DNMT3A: variants seen among roughly 807,000 people sequenced by gnomAD.
The protein encoded by DNMT3A is DNA methyltransferase 3 alpha.
Under a neutral mutation model 117.6 loss-of-function variants are expected in DNMT3A, and 267 were observed. The observed-to-expected ratio is 2.27, with a 90% confidence interval of 2.05 to 2.51. DNMT3A has a LOEUF of 2.51. Ranked by LOEUF, DNMT3A falls within the 30% of genes most tolerant of loss-of-function variation. The probability of loss-of-function intolerance (pLI) is 0.00; values close to 1 mark genes in which losing one functional copy is unlikely to be tolerated. For synonymous variants in DNMT3A, 432 were observed against 474.8 expected (o/e 0.91, Z 1.17); for missense variants, 1,029 against 1,260.2 (o/e 0.82, Z 2.78).
intron 6 of DNMT3A, among the ~76,000 whole-genome samples, chr2:25,270,816 G>C (rs2030817042): frequency 6.6e-6 from 1 of 152,218 alleles, no homozygotes; most frequent in Non-Finnish European, 1.5e-5. Flanking sequence ...AAATGAGACT[G>C]AGAAAAGAGG....
rs191325311 is a variant in DNMT3A at position 25,244,104 on chromosome 2, C to T, written c.1851+51G>A. On this transcript the variant is annotated intron_variant, in intron 15 of 22. Transcript: ENST00000321117. ...CCTGCGCACAGCTCAGGCCCCACAACCAAGGCTCAGCCAAGGGAGCTCGAG... is the reference window on the plus strand; with the variant it reads ...CCTGCGCACAGCTCAGGCCCCACAATCAAGGCTCAGCCAAGGGAGCTCGAG... The T allele has an allele frequency of 4.7e-5, 75 of 1,611,778 alleles. No homozygotes were observed. In the African/African-American group the frequency reaches 7.9e-4, roughly 17 times the overall value.
At position 25,240,414 on chromosome 2, in the gene DNMT3A, AG is replaced by A; in HGVS notation, c.2209del (p.Leu737SerfsTer42). 6.2e-7 allele frequency: 1 copy of A among 1,613,136 alleles called. No individual in the cohort carries two copies. The highest frequency in any genetic ancestry group is 8.5e-7 in the Non-Finnish European group (1 of 1,179,542). ...CTCCTTGGGCCGCGCATCATGCAGG[AG>A]GCGGTAGAACTCAAAGAAGAGCCGG... is the stretch of plus-strand genomic sequence containing the variant. ...TGRLFFEFYR[L>X]LHDARPKEGD... On this transcript the variant is annotated frameshift_variant, in exon 19 of 23. Coordinates refer to ENST00000321117, the MANE Select transcript of DNMT3A (RefSeq NM_022552.5). LOFTEE classifies it high-confidence loss of function.
chr2:25,332,038 C>T (rs1321312250), intron 1 of DNMT3A, among the ~76,000 whole-genome samples: 1 of 152,208 alleles, frequency 6.6e-6, no homozygotes, highest in Non-Finnish European at 1.5e-5. Flanking sequence ...AATGTCACAC[C>T]ACGCACACCC....
In DNMT3A at chr2:25,339,460, C is replaced by T. The variant is rs563153772; in HGVS notation, c.-178+2366G>A. On this transcript the variant is annotated intron_variant, in intron 1 of 22. Coordinates refer to ENST00000321117, the MANE Select transcript of DNMT3A (RefSeq NM_022552.5). This position sits in a 1 kb window ranked among gnomAD's most constrained non-coding sequence, Gnocchi z 4.9. The stretch of plus-strand genomic sequence containing the variant: ...GGTGGGGTAACGAGGGAAGTTTGGT[C>T]GGCCTGAATCCGCAGCTGCTTATCT... Among the ~76,000 whole-genome samples, 1 of 152,300 alleles carries T rather than the reference C, an allele frequency of 6.6e-6. No homozygotes were observed. The highest frequency in any genetic ancestry group is 2.4e-5 in the African/African-American group (1 of 41,564).
intron 2 of DNMT3A, among the ~76,000 whole-genome samples, chr2:25,313,282 A>C (rs1228628036): frequency 1.3e-5 from 2 of 151,350 alleles, no homozygotes; most frequent in African/African-American, 4.9e-5. Context: ...CTAGATTCTG[A>C]AAACATGGAG....
intron 1 of DNMT3A, among the ~76,000 whole-genome samples, chr2:25,318,854 T>G (rs975288425): frequency 1.8e-5 from 2 of 113,998 alleles, no homozygotes; most frequent in African/African-American, 6.3e-5. Flanking sequence ...CCCACCACCA[T>G]GCCTGACTAA....
chr2:25,237,023 G>A lies in DNMT3A; in HGVS notation c.2409-18C>T, dbSNP rs1263017641. On this transcript the variant is annotated intron_variant, in intron 20 of 22. Transcript: ENST00000321117. The surrounding 1 kb of genome is among the most constrained non-coding windows in gnomAD (Gnocchi z 5.4). ...CCAACGGCCTAGGAGGCAGAAGAGAGACTGTAACAACAGAAACCTGGATAA... is the reference window on the plus strand; with the variant it reads ...CCAACGGCCTAGGAGGCAGAAGAGAAACTGTAACAACAGAAACCTGGATAA... 1.9e-6 allele frequency: 3 copies of A among 1,613,044 alleles called. No individual in the cohort carries two copies. The highest frequency in any genetic ancestry group is 2.2e-5 in the South Asian group (2 of 90,822).
intron 6 of DNMT3A, among the ~76,000 whole-genome samples, chr2:25,262,276 C>T (rs1048564804): frequency 6.6e-6 from 1 of 151,492 alleles, no homozygotes; most frequent in African/African-American, 2.4e-5. Flanking sequence ...GCTCAAAAAT[C>T]CACCCCCTCC....
Position 25,311,062 on chromosome 2 carries a change from C to G in DNMT3A, c.72+2851G>C, listed in dbSNP as rs1242267997. Among the ~76,000 whole-genome samples the G allele has an allele frequency of 6.7e-6, 1 of 149,074 alleles. No homozygotes were observed. Among genetic ancestry groups the G allele is most frequent in the Non-Finnish European group, 1.5e-5 (1 of 67,606 alleles). Reference sequence around the variant, plus strand: ...GCAGAGGGAGCAGCATAAACAAAGACCTGGAGACTCCAGGAAGTATGGGAG... The same window carrying G: ...GCAGAGGGAGCAGCATAAACAAAGAGCTGGAGACTCCAGGAAGTATGGGAG... On this transcript the variant is annotated intron_variant, in intron 2 of 22. Coordinates refer to ENST00000321117, the MANE Select transcript of DNMT3A (RefSeq NM_022552.5). The surrounding 1 kb of genome is among the most constrained non-coding windows in gnomAD (Gnocchi z 5.2).
upstream of DNMT3A, among the ~76,000 whole-genome samples, chr2:25,342,089 T>C (rs1197164871): frequency 8.7e-5 from 8 of 92,464 alleles, no homozygotes; most frequent in Non-Finnish European, 1.5e-4. This position sits in a 1 kb window ranked among gnomAD's most constrained non-coding sequence, Gnocchi z 5.9. Context: ...GGCCCAGGCC[T>C]CCGCCCGCCG....
intron 6 of DNMT3A, among the ~76,000 whole-genome samples, chr2:25,251,196 G>C (rs1675509507): frequency 1.4e-5 from 2 of 146,176 alleles, no homozygotes; most frequent in Admixed American, 6.7e-5. Flanking sequence ...GACGAAAGGG[G>C]AAGGGGCAGC....
At chr2:25,308,382 C>A (rs1444154738) in intron 2 of DNMT3A, among the ~76,000 whole-genome samples, 1 of 152,158 alleles carries the variant, frequency 6.6e-6, no homozygotes, top group Non-Finnish European at 1.5e-5. Flanking sequence ...GGCCCTTCTG[C>A]AGGGGCCAAA....
Position 25,326,106 on chromosome 2 carries a change from ATATGTGTGTGTGTG to A in DNMT3A, c.-177-11959_-177-11946del, listed in dbSNP as rs1054797433. Among the ~76,000 whole-genome samples the A allele has an allele frequency of 5.8e-5, 6 of 103,276 alleles. No homozygotes were observed. In the Admixed American group the frequency reaches 6.6e-4, roughly 11 times the overall value. The allele number at this position is 103,276 out of a possible 152,430, so 67.8% of individuals were successfully genotyped here. ...TGCACATTTTCTATTAACTTGATAT[ATATGTGTGTGTGTG>A]TGTGTGTGTGTGTGTGTGTGTGTGT... On this transcript the variant is annotated intron_variant, in intron 1 of 22. Coordinates refer to ENST00000321117, the MANE Select transcript of DNMT3A (RefSeq NM_022552.5).
In DNMT3A at chr2:25,232,384, GGAAGTA is replaced by G. The variant is rs1672916415; in HGVS notation, c.*1889_*1894del. 1 of 152,274 alleles carries G rather than the reference GGAAGTA, an allele frequency of 6.6e-6. No homozygotes were observed. The highest frequency in any genetic ancestry group is 2.1e-4 in the South Asian group (1 of 4,830). The allele number at this position is 152,274 out of a possible 1,614,324, so 9.4% of individuals were successfully genotyped here. A position where few individuals can be genotyped will look rare whatever the true frequency, so the allele number is the denominator to read the frequency against. On this transcript the variant is annotated 3_prime_UTR_variant, in exon 23 of 23. Transcript: ENST00000321117. This position sits in a 1 kb window ranked among gnomAD's most constrained non-coding sequence, Gnocchi z 4.1. The stretch of plus-strand genomic sequence containing the variant: ...CTGACGCCAGGCCGCCTGCCTTGTA[GGAAGTA>G]GAACAAAGTGTTGAGCACTTGGGGC...
rs1206530396 is a variant in DNMT3A, at chr2:25,236,108, C to T, written c.2479-283G>A. On this transcript the variant is annotated intron_variant, in intron 21 of 22. Coordinates refer to ENST00000321117, the MANE Select transcript of DNMT3A (RefSeq NM_022552.5). The surrounding 1 kb of genome is among the most constrained non-coding windows in gnomAD (Gnocchi z 4.5). ...TGAGACGGAGTCTCGCTCTGTCACC[C>T]AGGCTGGACTGCAGTGGTGCGATCT... Among the ~76,000 whole-genome samples the T allele has an allele frequency of 2.6e-5, 4 of 151,936 alleles. No individual in the cohort carries two copies. Among genetic ancestry groups the T allele is most frequent in the Admixed American group, 6.6e-5 (1 of 15,258 alleles).
chr2:25,322,758 CCA>C lies in DNMT3A; in HGVS notation c.-177-8599_-177-8598del, dbSNP rs539356808. On this transcript the variant is annotated intron_variant, in intron 1 of 22. Transcript: ENST00000321117. ...GAGGACTGCTGGCCCCCCTGCCACC[CCA>C]CAGTCTCTCCTCAACAAGGGCTTGC... Among the ~76,000 whole-genome samples, 185 of 151,864 alleles carry C rather than the reference CCA, an allele frequency of 1.2e-3. 2 individuals carry two copies. Among genetic ancestry groups the C allele is most frequent in the African/African-American group, 4.3e-3 (177 of 41,364 alleles).
chr2:25,319,490 T>C (rs2034512369), intron 1 of DNMT3A, among the ~76,000 whole-genome samples: 1 of 152,100 alleles, frequency 6.6e-6, no homozygotes, highest in South Asian at 2.1e-4. Flanking sequence ...CTCACGCTCC[T>C]TTCCCAGGAA....
chr2:25,247,079 TA>T lies in DNMT3A; in HGVS notation c.1093del (p.Tyr365ThrfsTer42). ...CAGGACCTCGTAGATGGCTTTGCGG[TA>T]CATGGGCTGCTTGTTGTACGTGGCC... ...HQATYNKQPM[Y>X]RKAIYEVLQV... On this transcript the variant is annotated frameshift_variant, in exon 9 of 23. Transcript: ENST00000321117. LOFTEE classifies it high-confidence loss of function. This position sits in a 1 kb window ranked among gnomAD's most constrained non-coding sequence, Gnocchi z 5.6. The T allele has an allele frequency of 6.2e-7, 1 of 1,614,078 alleles. No individual in the cohort carries two copies. The highest frequency in any genetic ancestry group is 8.5e-7 in the Non-Finnish European group (1 of 1,179,992).
intron 1 of DNMT3A, among the ~76,000 whole-genome samples, chr2:25,336,519 A>C (rs1190459403): frequency 3.9e-5 from 6 of 151,910 alleles, no homozygotes; most frequent in African/African-American, 1.5e-4. Flanking sequence ...TGTAATTTAA[A>C]CCCTGTTCTG....
Sources: allele counts gnomAD v4.1 joint callset (sites outside exome capture counted in the v4.1 genomes callset), GRCh38; gene constraint gnomAD v4.1.1; non-coding constraint Gnocchi (gnomAD v3.1); transcripts MANE v1.5; gene names NCBI Gene and HGNC (gene_info 2026-07-23, HGNC 2026-07-21).